The following GABRB1 variants were observed in gnomAD, a reference collection of about 807,000 sequenced individuals.
GABRB1 encodes the protein gamma-aminobutyric acid receptor subunit beta-1.
In GABRB1, 17 loss-of-function variants were observed where a neutral mutation model predicts 51.6. The ratio of observed to expected loss-of-function variants is 0.33; its 90% confidence interval spans 0.23 to 0.49. The LOEUF (loss-of-function observed/expected upper bound fraction) is 0.49, where lower values mean the gene tolerates loss of function less well. Among genes scored for constraint, GABRB1 ranks in the 20% least tolerant of loss-of-function variants. The pLI is 0.99. For synonymous variants in GABRB1, 247 were observed against 218.9 expected (o/e 1.13, Z -1.14); for missense variants, 410 against 600.6 (o/e 0.68, Z 3.32).
At chr4:47,157,090 C>A (rs945387188) in intron 3 of GABRB1, among the ~76,000 whole-genome samples, 1 of 152,124 alleles carries the variant, frequency 6.6e-6, no homozygotes, top group African/African-American at 2.4e-5. Flanking sequence ...ATTAGCCCAA[C>A]TAATTTTATT....
intron 3 of GABRB1, among the ~76,000 whole-genome samples, chr4:47,125,849 C>A (rs971165666): frequency 6.7e-6 from 1 of 149,942 alleles, no homozygotes; most frequent in African/African-American, 2.4e-5. Flanking sequence ...GCCACCGCGC[C>A]CGGCCCAAAG....
chr4:47,268,147 T>C (rs1245995336), intron 4 of GABRB1, among the ~76,000 whole-genome samples: 1 of 152,184 alleles, frequency 6.6e-6, no homozygotes, highest in Non-Finnish European at 1.5e-5. Flanking sequence ...ATAAATCATC[T>C]ATTAATATAA....
intron 4 of GABRB1, among the ~76,000 whole-genome samples, chr4:47,163,818 TA>T (rs1453569398): frequency 6.6e-6 from 1 of 151,600 alleles, no homozygotes; most frequent in African/African-American, 2.4e-5. Context: ...CCACCAACCT[TA>T]AAAAAAAGTG....
chr4:47,345,804 C>A (rs1726067701), intron 5 of GABRB1, among the ~76,000 whole-genome samples: 1 of 152,038 alleles, frequency 6.6e-6, no homozygotes, highest in Non-Finnish European at 1.5e-5. Flanking sequence ...TATTCAGCAT[C>A]CCAAAGGGAA....
In GABRB1 at chr4:47,155,916, CATATATAT is replaced by C. The variant is rs10525795; in HGVS notation, c.241-5310_241-5303del. Among the ~76,000 whole-genome samples, 42 of 73,626 alleles carry C rather than the reference CATATATAT, an allele frequency of 5.7e-4. 3 individuals carry two copies. The highest frequency in any genetic ancestry group is 1.3e-3 in the South Asian group (2 of 1,512). The allele number at this position is 73,626 out of a possible 152,430, so 48.3% of individuals were successfully genotyped here. A position where few individuals can be genotyped will look rare whatever the true frequency, so the allele number is the denominator to read the frequency against. Reference sequence around the variant, plus strand: ...TACTCATACTAAAAAGAGGTATTTTCATATATATATATATATATATATATATATATGAA... The same window carrying C: ...TACTCATACTAAAAAGAGGTATTTTCATATATATATATATATATATATGAA... On this transcript the variant is annotated intron_variant, in intron 3 of 8. Transcript: ENST00000295454.
In GABRB1 at chr4:47,166,546, T is replaced by C. The variant is rs116072439; in HGVS notation, c.461+5077T>C. Among the ~76,000 whole-genome samples the C allele has an allele frequency of 8.2e-3, 1,248 of 152,268 alleles. 17 individuals carry two copies. Among genetic ancestry groups the C allele is most frequent in the African/African-American group, 0.028 (1,158 of 41,572 alleles). The stretch of plus-strand genomic sequence containing the variant: ...ATTGTAAAAATAAAGACCTATAATG[T>C]AAATTATGTGTTTGTTGCTGTTTAC... On this transcript the variant is annotated intron_variant, in intron 4 of 8. Coordinates refer to ENST00000295454, the MANE Select transcript of GABRB1 (RefSeq NM_000812.4).
At chr4:47,257,574 G>T (rs2109872572) in intron 4 of GABRB1, among the ~76,000 whole-genome samples, 1 of 151,948 alleles carries the variant, frequency 6.6e-6, no homozygotes, top group Non-Finnish European at 1.5e-5. Flanking sequence ...AGGGTGGATT[G>T]GTGAGAAGTT....
At chr4:47,031,755 GC>G in intron 1 of GABRB1, 24 bp downstream of exon 1, 1 of 483,834 alleles carries the variant, frequency 2.1e-6, no homozygotes, top group Non-Finnish European at 3.0e-6. Flanking sequence ...GTTGAATCTC[GC>G]TCTCTCTCTC....
At chr4:47,406,251 T>C (rs1277887424) in intron 7 of GABRB1, among the ~76,000 whole-genome samples, 1 of 152,152 alleles carries the variant, frequency 6.6e-6, no homozygotes, top group Non-Finnish European at 1.5e-5. Flanking sequence ...GTCACCAGCT[T>C]TCAGTTTGGT....
chr4:47,419,557 G>A (rs967311593), intron 8 of GABRB1, among the ~76,000 whole-genome samples: 1 of 152,148 alleles, frequency 6.6e-6, no homozygotes, highest in Non-Finnish European at 1.5e-5. Context: ...AGGGGGTCAG[G>A]GTTCCAGTGT....
rs183850667 is a variant in GABRB1 at position 47,090,087 on chromosome 4, C to T, written c.240+57603C>T. ...GATGAAACTTGCTAATCTTATCAGACGTTTTTGTTGAATATAAAACAACTA... is the reference window on the plus strand; with the variant it reads ...GATGAAACTTGCTAATCTTATCAGATGTTTTTGTTGAATATAAAACAACTA... On this transcript the variant is annotated intron_variant, in intron 3 of 8. Transcript: ENST00000295454. Among the ~76,000 whole-genome samples, 261 of 152,208 alleles carry T rather than the reference C, an allele frequency of 1.7e-3. 1 individual carries two copies. The highest frequency in any genetic ancestry group is 5.8e-3 in the African/African-American group (240 of 41,548).
chr4:47,158,760 T>C (rs1717810260), intron 3 of GABRB1, among the ~76,000 whole-genome samples: 1 of 152,086 alleles, frequency 6.6e-6, no homozygotes, highest in Non-Finnish European at 1.5e-5. Context: ...ACTGAGTCCA[T>C]CTGCCTACAA....
In GABRB1 at chr4:47,096,458, T is replaced by C. The variant is rs1435174116; in HGVS notation, c.240+63974T>C. 2.6e-5 allele frequency among the ~76,000 whole-genome samples: 4 copies of C among 152,302 alleles called. No homozygotes were observed. In the East Asian group the frequency reaches 5.8e-4, roughly 22 times the overall value. ...AACAGTAATATAAATAGACGGTAGA[T>C]TGCAGTAAACTGGTTCGGTAGGCAG... On this transcript the variant is annotated intron_variant, in intron 3 of 8. Coordinates refer to ENST00000295454, the MANE Select transcript of GABRB1 (RefSeq NM_000812.4).
intron 4 of GABRB1, among the ~76,000 whole-genome samples, chr4:47,232,536 A>C (rs183646874): frequency 6.6e-6 from 1 of 152,246 alleles, no homozygotes; most frequent in Non-Finnish European, 1.5e-5. Context: ...TGAGAACTCT[A>C]ATCTATCATC....
At chr4:47,262,126 G>A (rs542195148) in intron 4 of GABRB1, among the ~76,000 whole-genome samples, 1 of 151,364 alleles carries the variant, frequency 6.6e-6, no homozygotes, top group African/African-American at 2.4e-5. Context: ...TCAGGACATA[G>A]GCATGGGCAA....
At chr4:47,353,545 A>T (rs1253387148) in intron 5 of GABRB1, among the ~76,000 whole-genome samples, 1 of 152,170 alleles carries the variant, frequency 6.6e-6, no homozygotes, top group East Asian at 1.9e-4. Flanking sequence ...AGGCGAAGTG[A>T]TATAATAGAA....
intron 4 of GABRB1, among the ~76,000 whole-genome samples, chr4:47,299,432 C>T (rs1277797291): frequency 6.6e-6 from 1 of 152,128 alleles, no homozygotes; most frequent in East Asian, 1.9e-4. Context: ...GGGCGAAGGA[C>T]ATGAACAGAC....
chr4:47,400,065 C>G (rs1041230205), intron 5 of GABRB1, among the ~76,000 whole-genome samples: 2 of 152,140 alleles, frequency 1.3e-5, no homozygotes, highest in Non-Finnish European at 2.9e-5. Context: ...ATTAGATCTC[C>G]TAGATGAGTC....
chr4:47,181,394 A>G (rs969836769), intron 4 of GABRB1, among the ~76,000 whole-genome samples: 1 of 151,884 alleles, frequency 6.6e-6, no homozygotes. Context: ...AGTTTTAATT[A>G]CTCTATTTAT....
Sources: allele counts gnomAD v4.1 joint callset (sites outside exome capture counted in the v4.1 genomes callset), GRCh38; gene constraint gnomAD v4.1.1; transcripts MANE v1.5; gene names NCBI Gene and HGNC (gene_info 2026-07-23, HGNC 2026-07-21).